The following GYG1 variants were observed in gnomAD, a reference collection of about 807,000 sequenced individuals.
GYG1 encodes the protein glycogenin 1, also known as glycogenin-1.
A neutral mutation model predicts 41.9 loss-of-function variants in GYG1; 44 were observed. That is an observed-to-expected ratio of 1.05 (90% CI 0.83 to 1.35). The LOEUF (loss-of-function observed/expected upper bound fraction) is 1.35. GYG1 is among the 40% of genes most tolerant of loss of function. GYG1 has a pLI of 0.00. For missense variants in GYG1, 429 were observed against 418.9 expected, an observed-to-expected ratio of 1.02 and a Z score of -0.21; for synonymous variants, 141 against 158.1, an observed-to-expected ratio of 0.89 and a Z score of 0.81.
At chr3:149,024,423 A>G (rs1714540843) in intron 6 of GYG1, 151 bp downstream of exon 6, 1 of 662,812 alleles carries the variant, frequency 1.5e-6, no homozygotes, top group East Asian at 2.7e-5. Flanking sequence ...TAGGAGAAAC[A>G]TTACCAGCAA....
At chr3:148,991,677 C>T (rs760449352) in intron 1 of GYG1, 30 bp downstream of exon 1, 3 of 1,494,476 alleles carry the variant, frequency 2.0e-6, no homozygotes, top group South Asian at 2.4e-5. Flanking sequence ...CGCCGCCAGC[C>T]CCGGGACCCC....
chr3:149,012,263 A>C (rs1309167035), intron 5 of GYG1, among the ~76,000 whole-genome samples: 7 of 151,062 alleles, frequency 4.6e-5, no homozygotes, highest in South Asian at 2.1e-4. Flanking sequence ...TTGAAGGCCC[A>C]CTCTTGGGTT....
At chr3:148,992,009 C>T (rs1229454836) in intron 1 of GYG1, among the ~76,000 whole-genome samples, 1 of 151,910 alleles carries the variant, frequency 6.6e-6, no homozygotes, top group Non-Finnish European at 1.5e-5. Flanking sequence ...AGGCGGGAGT[C>T]CGGGGCGCAG....
chr3:148,994,297 C>T lies in GYG1; in HGVS notation c.143+20C>T, dbSNP rs780987046. On this transcript the variant is annotated intron_variant, in intron 2 of 7. Transcript: ENST00000345003. ...CATGAGGTGAGGACCTCGCTGCCACCCCAGCATCCAAGGGGCTCTGACATC... is the reference window on the plus strand; with the variant it reads ...CATGAGGTGAGGACCTCGCTGCCACTCCAGCATCCAAGGGGCTCTGACATC... 1 of 1,613,278 alleles carries T rather than the reference C, an allele frequency of 6.2e-7. No individual in the cohort carries two copies.
chr3:149,017,582 G>GTTTGTTTT (rs1714123988), intron 5 of GYG1, among the ~76,000 whole-genome samples: 2 of 47,382 alleles, frequency 4.2e-5, no homozygotes, highest in African/African-American at 5.5e-5. Flanking sequence ...TTTTATTTAG[G>GTTTGTTTT]TTTTTTTTTT....
rs1346115747 is a variant in GYG1, at chr3:149,030,509, GCTTTGT to G, written c.*3583_*3588del. On this transcript the variant is annotated 3_prime_UTR_variant, in exon 8 of 8. Transcript: ENST00000345003. ...TTTACCTTCATAGTGAGTTTGTAAG[GCTTTGT>G]CTTTGTAAGCAGAAAGAGTAGACTG... The G allele has an allele frequency of 1.3e-5, 2 of 152,104 alleles. No homozygotes were observed. The highest frequency in any genetic ancestry group is 4.8e-5 in the African/African-American group (2 of 41,404). The allele number at this position is 152,104 out of a possible 1,614,324, so 9.4% of individuals were successfully genotyped here. A position where few individuals can be genotyped will look rare whatever the true frequency, so the allele number is the denominator to read the frequency against.
chr3:149,000,501 T>G (rs902112524), intron 4 of GYG1, among the ~76,000 whole-genome samples: 1 of 152,258 alleles, frequency 6.6e-6, no homozygotes, highest in Admixed American at 6.5e-5. Flanking sequence ...GTTTTGCTTC[T>G]GCCACATCGG....
intron 4 of GYG1, among the ~76,000 whole-genome samples, chr3:149,000,105 C>A (rs1713009153): frequency 6.6e-6 from 1 of 152,214 alleles, no homozygotes; most frequent in Admixed American, 6.5e-5. Context: ...GCCCTCTATT[C>A]ACAGCCTCTC....
chr3:148,999,316 T>C (rs1246095642), intron 4 of GYG1, among the ~76,000 whole-genome samples: 1 of 152,174 alleles, frequency 6.6e-6, no homozygotes, highest in Non-Finnish European at 1.5e-5. Context: ...TACTGGCTCA[T>C]TGGTGGTGAA....
chr3:149,023,491 C>G (rs1416419851), intron 5 of GYG1, among the ~76,000 whole-genome samples: 1 of 152,178 alleles, frequency 6.6e-6, no homozygotes, highest in Non-Finnish European at 1.5e-5. Context: ...CTGGATTGTA[C>G]AGCATGAGCA....
At chr3:148,992,548 C>T (rs1712549026) in intron 1 of GYG1, 1 of 152,276 alleles carries the variant, frequency 6.6e-6, no homozygotes, top group South Asian at 2.1e-4. Context: ...TCCAGAAATC[C>T]TTGAATCCTG....
In GYG1 at chr3:149,028,165, TTTGA is replaced by T. The variant is rs546132255; in HGVS notation, c.*1236_*1239del. On this transcript the variant is annotated 3_prime_UTR_variant, in exon 8 of 8. Coordinates refer to ENST00000345003, the MANE Select transcript of GYG1 (RefSeq NM_004130.4). ...CCATGACAGGAAGAAACTTTAGAGGTTTGATTGGGCAAAAGCTGCAAAGCTTTTG... is the reference window on the plus strand; with the variant it reads ...CCATGACAGGAAGAAACTTTAGAGGTTTGGGCAAAAGCTGCAAAGCTTTTG... Among the ~76,000 whole-genome samples the T allele has an allele frequency of 1.8e-4, 27 of 152,048 alleles. No homozygotes were observed. The highest frequency in any genetic ancestry group is 3.4e-4 in the Non-Finnish European group (23 of 67,976).
At chr3:149,001,405 T>TCC (rs1213158144) in intron 4 of GYG1, 1 of 152,236 alleles carries the variant, frequency 6.6e-6, no homozygotes. Context: ...TAAGAGCTAT[T>TCC]GTTATGTCAC....
At chr3:149,019,101 C>CAATACCTAA (rs1304725188) in intron 5 of GYG1, among the ~76,000 whole-genome samples, 3 of 150,310 alleles carry the variant, frequency 2.0e-5, no homozygotes, top group Non-Finnish European at 4.4e-5. Flanking sequence ...AAAGTAATGT[C>CAATACCTAA]AATACCTAAT....
intron 4 of GYG1, chr3:149,001,140 C>T (rs1455179305): frequency 6.6e-6 from 1 of 152,174 alleles, no homozygotes; most frequent in Admixed American, 6.5e-5. Flanking sequence ...ACCAAATGAG[C>T]TGAGAGATTT....
chr3:149,001,760 TTA>T (rs1198508203), intron 4 of GYG1, among the ~76,000 whole-genome samples: 1 of 152,052 alleles, frequency 6.6e-6, no homozygotes, highest in Admixed American at 6.5e-5. Flanking sequence ...TCTGGTTGGG[TTA>T]TGTGTTGTGG....
chr3:149,009,574 G>A (rs1292870831), intron 5 of GYG1, among the ~76,000 whole-genome samples, 172 bp downstream of exon 5: 1 of 152,170 alleles, frequency 6.6e-6, no homozygotes, highest in African/African-American at 2.4e-5. Context: ...GATGTTATCG[G>A]TTGCCTCATG....
At chr3:149,008,896 G>A (rs2053432) in intron 4 of GYG1, 2,210 of 215,028 alleles carry the variant, frequency 0.01, 48 homozygotes, top group African/African-American at 0.048. Flanking sequence ...GATGGCTCAC[G>A]TTGGTAGTCC....
chr3:148,996,431 G>A lies in GYG1; in HGVS notation c.273G>A (p.Ser91=), dbSNP rs558123408. 20 of 1,613,984 alleles carry A rather than the reference G, an allele frequency of 1.2e-5. No homozygotes were observed. The highest frequency in any genetic ancestry group is 1.2e-4 in the South Asian group (11 of 91,086). Residue 91 remains serine (S), a synonymous_variant, in exon 3 of 8, where the codon TCG becomes TCA. Transcript: ENST00000345003. ...GVTLTKLHCW[S]LTQYSKCVFM... ...CGCTGACAAAGCTCCACTGCTGGTCGCTTACACAGTATTCAAAATGTGTAT... is the reference window on the plus strand; with the variant it reads ...CGCTGACAAAGCTCCACTGCTGGTCACTTACACAGTATTCAAAATGTGTAT...
Sources: allele counts gnomAD v4.1 joint callset (sites outside exome capture counted in the v4.1 genomes callset), GRCh38; gene constraint gnomAD v4.1.1; transcripts MANE v1.5; gene names NCBI Gene and HGNC (gene_info 2026-07-23, HGNC 2026-07-21).